CNOT2: variants seen among roughly 807,000 people sequenced by gnomAD.
CNOT2 encodes the protein CC chemokine receptor 4-negative regulator of transcription 2.
CNOT2 carries 7 observed loss-of-function variants against 72.1 expected under a neutral mutation model. The ratio of observed to expected loss-of-function variants is 0.10; its 90% CI spans 0.06 to 0.18. CNOT2 has a LOEUF of 0.18. Ranked by LOEUF, CNOT2 falls within the 10% of genes least tolerant of loss-of-function variation. The pLI, the probability that CNOT2 is intolerant of heterozygous loss-of-function variation, is 1.00. For synonymous variants in CNOT2, 196 were observed against 225.6 expected, an observed-to-expected ratio of 0.87 and a Z score of 1.17; for missense variants, 345 against 660.3, an observed-to-expected ratio of 0.52 and a Z score of 5.23.
At chr12:70,256,148 C>A (rs1035974165) in intron 1 of CNOT2, among the ~76,000 whole-genome samples, 1 of 152,222 alleles carries the variant, frequency 6.6e-6, no homozygotes, top group African/African-American at 2.4e-5. Context: ...ATGAAGAAGG[C>A]TTTTATTTCT....
At chr12:70,280,422 G>A (rs1041699122) in intron 2 of CNOT2, among the ~76,000 whole-genome samples, 25 of 152,036 alleles carry the variant, frequency 1.6e-4, no homozygotes, top group African/African-American at 4.6e-4. Flanking sequence ...TAAATCTTCC[G>A]AATTGATGAA....
At chr12:70,301,105 T>C (rs2135913645) in intron 2 of CNOT2, among the ~76,000 whole-genome samples, 1 of 152,328 alleles carries the variant, frequency 6.6e-6, no homozygotes. Flanking sequence ...GATTATCAGC[T>C]TAAGGAGATT....
At chr12:70,266,169 C>T (rs913336314) in intron 1 of CNOT2, among the ~76,000 whole-genome samples, 5 of 151,804 alleles carry the variant, frequency 3.3e-5, no homozygotes, top group Non-Finnish European at 5.9e-5. Flanking sequence ...TGCAATGGCG[C>T]CATCTTGGCT....
At chr12:70,283,463 C>CAATT (rs1870231411) in intron 2 of CNOT2, among the ~76,000 whole-genome samples, 1 of 69,618 alleles carries the variant, frequency 1.4e-5, no homozygotes, top group South Asian at 5.2e-4. Flanking sequence ...CTCAGTCAGT[C>CAATT]GATTGATAGA....
Position 70,276,598 on chromosome 12 carries a change from C to A in CNOT2, c.-95-1534C>A, listed in dbSNP as rs544049746. ...ATTTGAGTTGGAGCCAAATGTGCGT[C>A]ATTTAACAATTCCTGAATATCCAAT... On this transcript the variant is annotated intron_variant, in intron 1 of 15. Coordinates refer to ENST00000229195, the MANE Select transcript of CNOT2 (RefSeq NM_014515.7). 3.9e-5 allele frequency among the ~76,000 whole-genome samples: 6 copies of A among 152,054 alleles called. No individual in the cohort carries two copies. In the South Asian group the frequency reaches 8.3e-4, roughly 21 times the overall value.
chr12:70,278,471 A>G (rs1869241308), intron 2 of CNOT2, 197 bp downstream of exon 2: 1 of 470,162 alleles, frequency 2.1e-6, no homozygotes, highest in Non-Finnish European at 3.8e-6. Flanking sequence ...CATATTCATA[A>G]TGTATATTTT....
At position 70,354,612 on chromosome 12, in the gene CNOT2, T is replaced by A. The variant is rs1287867469; in HGVS notation, c.*697T>A. 1 of 152,624 alleles carries A rather than the reference T, an allele frequency of 6.6e-6. No individual in the cohort carries two copies. The highest frequency in any genetic ancestry group is 1.9e-4 in the East Asian group (1 of 5,206). The allele number at this position is 152,624 out of a possible 1,614,324, so 9.5% of individuals were successfully genotyped here. Reference sequence around the variant, plus strand: ...AATAAATGTGTACATTTTTTTTAAATTTTTGGACATCACATGAATAAAGGT... The same window carrying A: ...AATAAATGTGTACATTTTTTTTAAAATTTTGGACATCACATGAATAAAGGT... On this transcript the variant is annotated 3_prime_UTR_variant, in exon 16 of 16. Transcript: ENST00000229195.
At chr12:70,271,980 T>C (rs1262335406) in intron 1 of CNOT2, among the ~76,000 whole-genome samples, 1 of 152,200 alleles carries the variant, frequency 6.6e-6, no homozygotes, top group Non-Finnish European at 1.5e-5. Flanking sequence ...TACGTCAGAC[T>C]ATCAAGGGGG....
chr12:70,291,869 G>A (rs143101916), intron 2 of CNOT2, among the ~76,000 whole-genome samples: 11,866 of 152,204 alleles, frequency 0.078, 578 homozygotes, highest in Admixed American at 0.15. Context: ...CCAGGGAGGC[G>A]GAGTTTGCAG....
intron 4 of CNOT2, chr12:70,324,344 G>GGAGA (rs145023121): frequency 1.3e-5 from 2 of 150,814 alleles, no homozygotes; most frequent in East Asian, 2.0e-4. Context: ...CTGTTTTTAT[G>GGAGA]GAGAGAGAGA....
At chr12:70,251,634 G>T (rs1380535732) in intron 1 of CNOT2, among the ~76,000 whole-genome samples, 1 of 152,140 alleles carries the variant, frequency 6.6e-6, no homozygotes, top group Non-Finnish European at 1.5e-5. Context: ...AAAATTATAA[G>T]CTTAATGGTG....
intron 2 of CNOT2, among the ~76,000 whole-genome samples, chr12:70,296,049 CA>C (rs1872746464): frequency 6.6e-6 from 1 of 152,036 alleles, no homozygotes; most frequent in Non-Finnish European, 1.5e-5. Flanking sequence ...CATGGCTTTT[CA>C]GAATATTTTC....
intron 3 of CNOT2, among the ~76,000 whole-genome samples, chr12:70,316,982 C>T (rs1049243938): frequency 1.3e-5 from 2 of 152,160 alleles, no homozygotes; most frequent in African/African-American, 4.8e-5. Flanking sequence ...ACAATATTCA[C>T]ATTATGGATT....
Position 70,342,016 on chromosome 12 carries a change from A to G in CNOT2, c.1179-91A>G, listed in dbSNP as rs144226052. 3.7e-3 allele frequency: 3,149 copies of G among 840,802 alleles called. 12 individuals carry two copies. The highest frequency in any genetic ancestry group is 4.8e-3 in the Non-Finnish European group (2,307 of 481,010). The allele number at this position is 840,802 out of a possible 1,614,324, so 52.1% of individuals were successfully genotyped here. ...AAGGGAATTAGAAGTAAAGATGGTC[A>G]TTTTACAGTTGGAGTCTTTGTTTTT... On this transcript the variant is annotated intron_variant, in intron 11 of 15. Coordinates refer to ENST00000229195, the MANE Select transcript of CNOT2 (RefSeq NM_014515.7).
intron 2 of CNOT2, among the ~76,000 whole-genome samples, chr12:70,307,037 C>A (rs1345077248): frequency 1.3e-5 from 2 of 152,054 alleles, no homozygotes; most frequent in Non-Finnish European, 2.9e-5. Flanking sequence ...AAAGGTTACA[C>A]CTTTATAGGG....
At chr12:70,282,328 G>T (rs923677262) in intron 2 of CNOT2, among the ~76,000 whole-genome samples, 2 of 152,040 alleles carry the variant, frequency 1.3e-5, no homozygotes, top group South Asian at 4.1e-4. Context: ...ATCCTATTCC[G>T]TACGTTTCTG....
intron 3 of CNOT2, 137 bp from the exon 4 acceptor site, chr12:70,319,159 ATG>A: frequency 1.6e-6 from 1 of 613,774 alleles, no homozygotes; most frequent in Non-Finnish European, 2.7e-6. Context: ...ATATTATAGA[ATG>A]TTTGTTTTAT....
intron 3 of CNOT2, among the ~76,000 whole-genome samples, chr12:70,315,796 C>T (rs1877230805): frequency 6.6e-6 from 1 of 152,064 alleles, no homozygotes; most frequent in Admixed American, 6.6e-5. Flanking sequence ...TTCTATTAAT[C>T]TTTTTCTACC....
At chr12:70,319,806 A>G (rs745852606) in intron 4 of CNOT2, among the ~76,000 whole-genome samples, 1 of 151,684 alleles carries the variant, frequency 6.6e-6, no homozygotes, top group Non-Finnish European at 1.5e-5. Context: ...TTGTTTCACA[A>G]GTATTTCTTA....
Sources: allele counts gnomAD v4.1 joint callset (sites outside exome capture counted in the v4.1 genomes callset), GRCh38; gene constraint gnomAD v4.1.1; transcripts MANE v1.5; gene names NCBI Gene and HGNC (gene_info 2026-07-23, HGNC 2026-07-21).